ZRANB3: variants seen among roughly 807,000 people sequenced by gnomAD.
ZRANB3 encodes the protein zinc finger RANBP2-type containing 3.
Under a neutral mutation model 133.8 loss-of-function variants are expected in ZRANB3, and 125 were observed. The observed-to-expected ratio is 0.93, with a 90% CI of 0.81 to 1.08. The LOEUF is 1.08. Ranked by LOEUF, ZRANB3 falls within the 50% of genes least tolerant of loss-of-function variation. The pLI is 0.00. For synonymous variants in ZRANB3, 387 were observed against 432.7 expected (o/e 0.89, Z 1.31); for missense variants, 1,229 against 1,275.5 (o/e 0.96, Z 0.56).
intron 2 of ZRANB3, among the ~76,000 whole-genome samples, chr2:135,392,903 C>T (rs543044552): frequency 4.1e-4 from 62 of 151,098 alleles, no homozygotes; most frequent in African/African-American, 1.4e-3. Flanking sequence ...TTTTCTGAGA[C>T]AGTCTCCCTT....
intron 12 of ZRANB3, among the ~76,000 whole-genome samples, chr2:135,251,829 G>T (rs1365001306): frequency 6.6e-6 from 1 of 152,184 alleles, no homozygotes; most frequent in Non-Finnish European, 1.5e-5. Flanking sequence ...AAGGTCAGGA[G>T]TTTGAGGCCA....
chr2:135,414,830 T>C (rs1186321015), intron 2 of ZRANB3, among the ~76,000 whole-genome samples: 2 of 152,166 alleles, frequency 1.3e-5, no homozygotes, highest in Non-Finnish European at 2.9e-5. Context: ...ACATGGAAAC[T>C]GAACAACCTG....
intron 2 of ZRANB3, among the ~76,000 whole-genome samples, chr2:135,452,932 A>C (rs554864535): frequency 6.7e-4 from 102 of 152,326 alleles, no homozygotes; most frequent in African/African-American, 2.4e-3. Context: ...CAGTAGGGAC[A>C]CTGTGTGGGG....
chr2:135,318,496 T>C (rs182048796), intron 6 of ZRANB3, among the ~76,000 whole-genome samples: 2 of 152,252 alleles, frequency 1.3e-5, no homozygotes, highest in South Asian at 2.1e-4. Context: ...TGAAGATATA[T>C]GTTAAATGAT....
chr2:135,371,646 C>A (rs902448391), intron 3 of ZRANB3, among the ~76,000 whole-genome samples: 5 of 152,126 alleles, frequency 3.3e-5, no homozygotes, highest in African/African-American at 1.2e-4. Flanking sequence ...TGCTAGTGGT[C>A]AAGATAAATT....
chr2:135,209,982 A>G (rs942221476), intron 17 of ZRANB3, among the ~76,000 whole-genome samples: 33 of 152,320 alleles, frequency 2.2e-4, no homozygotes, highest in African/African-American at 7.7e-4. Context: ...TCTAAATTCA[A>G]AAGGCAAACA....
At chr2:135,265,922 G>A (rs1279376532) in intron 11 of ZRANB3, among the ~76,000 whole-genome samples, 2 of 152,128 alleles carry the variant, frequency 1.3e-5, no homozygotes, top group Non-Finnish European at 2.9e-5. Context: ...AAGTAAACCT[G>A]AAACACGCCA....
intron 6 of ZRANB3, among the ~76,000 whole-genome samples, chr2:135,320,457 A>G (rs1683469524): frequency 6.6e-6 from 1 of 152,222 alleles, no homozygotes; most frequent in Admixed American, 6.5e-5. Flanking sequence ...AAATGCCCCT[A>G]AAGACATTTA....
chr2:135,437,442 T>C (rs1689596835), intron 2 of ZRANB3, among the ~76,000 whole-genome samples: 1 of 152,018 alleles, frequency 6.6e-6, no homozygotes, highest in African/African-American at 2.4e-5. Context: ...GGCAGAACAG[T>C]AGTTTGGAGA....
At chr2:135,471,660 C>T (rs551456973) in intron 2 of ZRANB3, among the ~76,000 whole-genome samples, 1 of 152,220 alleles carries the variant, frequency 6.6e-6, no homozygotes, top group East Asian at 1.9e-4. Context: ...GAATTATTTC[C>T]ATGGCTACTA....
At chr2:135,242,761 T>A (rs560538290) in intron 12 of ZRANB3, among the ~76,000 whole-genome samples, 1 of 152,302 alleles carries the variant, frequency 6.6e-6, no homozygotes, top group South Asian at 2.1e-4. Context: ...TACTTCTGGG[T>A]AATTTCTTCA....
chr2:135,410,238 C>G (rs1029740665), intron 2 of ZRANB3, among the ~76,000 whole-genome samples: 1 of 152,128 alleles, frequency 6.6e-6, no homozygotes, highest in African/African-American at 2.4e-5. Context: ...TCAAACTATA[C>G]AACAGGGCTA....
chr2:135,319,285 A>G (rs1237326945), intron 6 of ZRANB3, among the ~76,000 whole-genome samples: 1 of 152,254 alleles, frequency 6.6e-6, no homozygotes, highest in African/African-American at 2.4e-5. Flanking sequence ...CCAGAAAAAT[A>G]ACACTTTTTA....
chr2:135,318,779 G>A lies in ZRANB3; in HGVS notation c.678-3249C>T, dbSNP rs113289967. ...GCTTTTGTAATTAAAATTCAATGAC[G>A]TAAAAAGAATCTTAAAAAAAAAATA... is the stretch of plus-strand genomic sequence containing the variant. On this transcript the variant is annotated intron_variant, in intron 6 of 20. Transcript: ENST00000264159. 7.2e-5 allele frequency among the ~76,000 whole-genome samples: 11 copies of A among 152,098 alleles called. No individual in the cohort carries two copies. In the East Asian group the frequency reaches 7.7e-4, roughly 11 times the overall value.
At chr2:135,464,341 T>C (rs1367185409) in intron 2 of ZRANB3, among the ~76,000 whole-genome samples, 1 of 152,052 alleles carries the variant, frequency 6.6e-6, no homozygotes, top group Non-Finnish European at 1.5e-5. Flanking sequence ...CTAATACTGG[T>C]AGTGGTGGCA....
At position 135,350,053 on chromosome 2, in the gene ZRANB3, C is replaced by T. The variant is rs367613416; in HGVS notation, c.522G>A (p.Leu174=). 2 of 1,613,754 alleles carry T rather than the reference C, an allele frequency of 1.2e-6. No individual in the cohort carries two copies. Among genetic ancestry groups the T allele is most frequent in the Non-Finnish European group, 1.7e-6 (2 of 1,179,840 alleles). The stretch of plus-strand genomic sequence containing the variant: ...CTCGTCTGGCTTTCTGTACTATTGG[C>T]AATAAAATCCTGCTGCGAGTTGCAT... The part of the protein sequence containing the change: ...SRNATRSRIL[L]PIVQKARRAI... The change falls in exon 5 of 21, where the codon TTG becomes TTA. Residue 174 remains leucine (L), a synonymous_variant. Coordinates refer to ENST00000264159, the MANE Select transcript of ZRANB3 (RefSeq NM_032143.4).
intron 2 of ZRANB3, among the ~76,000 whole-genome samples, chr2:135,476,504 A>G (rs568170921): frequency 6.6e-6 from 1 of 152,156 alleles, no homozygotes; most frequent in South Asian, 2.1e-4. Context: ...GGGTTCTTAT[A>G]CTCTTCTCTG....
intron 2 of ZRANB3, among the ~76,000 whole-genome samples, chr2:135,441,425 A>G (rs1689773431): frequency 6.6e-6 from 1 of 152,108 alleles, no homozygotes; most frequent in Non-Finnish European, 1.5e-5. Context: ...TCTCAGAAAA[A>G]CAAAAACTGA....
At chr2:135,418,335 C>A (rs1358776404) in intron 2 of ZRANB3, among the ~76,000 whole-genome samples, 1 of 152,060 alleles carries the variant, frequency 6.6e-6, no homozygotes, top group African/African-American at 2.4e-5. Flanking sequence ...AGTACTAGAA[C>A]CAATCTCCTG....
Sources: gnomAD v4.1 joint callset for allele counts (sites outside exome capture counted in the v4.1 genomes callset) on GRCh38, gnomAD v4.1.1 for gene constraint, MANE v1.5 for transcripts, NCBI Gene and HGNC (gene_info 2026-07-23, HGNC 2026-07-21) for gene names.